Variants in ATP7A observed in about 807,000 individuals in gnomAD.
ATP7A encodes the protein ATPase copper transporting alpha, also known as copper-transporting ATPase 1.
A neutral mutation model predicts 83.5 loss-of-function variants in ATP7A; 7 were observed. The ratio of observed to expected loss-of-function variants is 0.08; its 90% confidence interval spans 0.05 to 0.16. ATP7A has a LOEUF of 0.16. Ranked by LOEUF, ATP7A falls within the 10% of genes least tolerant of loss-of-function variation. The probability of loss-of-function intolerance (pLI) is 1.00; values close to 1 mark genes in which losing one functional copy is unlikely to be tolerated. For synonymous variants in ATP7A, 354 were observed against 395.2 expected (o/e 0.90, Z 1.24); for missense variants, 940 against 1,120.8 (o/e 0.84, Z 2.30).
In ATP7A at chrX:77,988,324, A is replaced by G; in HGVS notation, c.203A>G (p.Asp68Gly). The change falls in exon 3 of 23, where the codon GAC becomes GGC. Residue 68 changes from aspartate (D) to glycine (G), a missense_variant. By Grantham distance (94) the Asp-to-Gly change is moderately conservative. This residue lies in a region of ATP7A where 350 missense variants were observed against 432.8 expected (regional missense o/e 0.81). Transcript: ENST00000341514. ...TPKTLQEAID[D>G]MGFDAVIHNP... is the part of the protein sequence containing the mutation. Reference sequence around the variant, plus strand: ...AAGACCCTACAGGAAGCTATTGATGACATGGGCTTTGATGCTGTTATCCAT... The same window carrying G: ...AAGACCCTACAGGAAGCTATTGATGGCATGGGCTTTGATGCTGTTATCCAT... 1 of 1,205,801 alleles carries G rather than the reference A, an allele frequency of 8.3e-7. No individual in the cohort carries two copies. Among genetic ancestry groups the G allele is most frequent in the South Asian group, 1.8e-5 (1 of 56,049 alleles).
chrX:77,946,066 T>A (rs2077377467), intron 1 of ATP7A, among the ~76,000 whole-genome samples: 1 of 111,193 alleles, frequency 9.0e-6, no homozygotes, highest in African/African-American at 3.3e-5. Flanking sequence ...TTGGGAGACC[T>A]AAGTGTGAGG....
chrX:77,971,559 G>T, intron 1 of ATP7A, 62 bp from the exon 2 acceptor site: 1 of 1,092,835 alleles, frequency 9.2e-7, no homozygotes. Flanking sequence ...GGGGAGGTGG[G>T]GGAAAAGTTG....
At position 78,038,877 on chromosome X, in the gene ATP7A, C is replaced by T. The variant is rs781907456; in HGVS notation, c.3553C>T (p.Arg1185Trp). ...GCAGTATAAAGTCCTCATTGGTAAC[C>T]GGGAGTGGATGATTAGAAATGGTCT... Reference protein sequence around the residue: ...AQQYKVLIGNREWMIRNGLVI... With the variant: ...AQQYKVLIGNWEWMIRNGLVI... Residue 1185 changes from arginine to tryptophan, a missense_variant, in exon 18 of 23, where the codon CGG (arginine) becomes TGG (tryptophan). Coordinates refer to ENST00000341514, the MANE Select transcript of ATP7A (RefSeq NM_000052.7). 8.3e-6 allele frequency: 10 copies of T among 1,207,954 alleles called. No individual in the cohort carries two copies. Among genetic ancestry groups the T allele is most frequent in the Non-Finnish European group, 1.0e-5 (9 of 893,600 alleles).
At chrX:78,018,458 T>C (rs782065574) in intron 12 of ATP7A, among the ~76,000 whole-genome samples, 88 of 111,216 alleles carry the variant, frequency 7.9e-4, no homozygotes, top group African/African-American at 2.8e-3. Flanking sequence ...GAGCCGAGAT[T>C]GCACCATTGC....
intron 4 of ATP7A, among the ~76,000 whole-genome samples, chrX:77,995,555 G>A (rs782720682): frequency 3.8e-4 from 28 of 73,907 alleles, no homozygotes; most frequent in African/African-American, 1.4e-3. Context: ...TGACAAGAGC[G>A]AGACTCCATC....
intron 21 of ATP7A, among the ~76,000 whole-genome samples, chrX:78,045,043 G>C (rs2078075107): frequency 1.8e-5 from 2 of 112,316 alleles, no homozygotes; most frequent in South Asian, 7.4e-4. Flanking sequence ...TTAAAAGTAT[G>C]AGTCTATTTC....
intron 6 of ATP7A, among the ~76,000 whole-genome samples, chrX:78,008,576 T>C (rs1311104252): frequency 9.0e-6 from 1 of 111,276 alleles, no homozygotes; most frequent in Non-Finnish European, 1.9e-5. Context: ...CAATAATAAA[T>C]GTCAAATCCT....
intron 1 of ATP7A, among the ~76,000 whole-genome samples, chrX:77,949,281 C>G (rs959931557): frequency 8.9e-6 from 1 of 111,879 alleles, no homozygotes; most frequent in African/African-American, 3.2e-5. Flanking sequence ...ATAAACCACA[C>G]CCATAATGCT....
intron 14 of ATP7A, among the ~76,000 whole-genome samples, chrX:78,027,993 GTATT>G (rs201122491): frequency 0.13 from 13,723 of 104,460 alleles, 987 homozygotes; most frequent in East Asian, 0.27. Flanking sequence ...AGTTTTTTTG[GTATT>G]TATTTATTTA....
intron 18 of ATP7A, among the ~76,000 whole-genome samples, chrX:78,040,133 A>T (rs1165601273): frequency 9.0e-6 from 1 of 110,920 alleles, no homozygotes; most frequent in Non-Finnish European, 1.9e-5. Flanking sequence ...TTTTGTAAAT[A>T]GAATAAAATA....
At chrX:77,964,241 A>G (rs1188791092) in intron 1 of ATP7A, 3 of 112,119 alleles carry the variant, frequency 2.7e-5, no homozygotes, top group Non-Finnish European at 5.6e-5. Flanking sequence ...TGTGTGAATG[A>G]TTAAGCCAAC....
intron 4 of ATP7A, among the ~76,000 whole-genome samples, chrX:77,992,143 C>T (rs920732751): frequency 9.2e-6 from 1 of 108,506 alleles, no homozygotes; most frequent in Non-Finnish European, 1.9e-5. Context: ...CAGCTCACTG[C>T]AACCTTGGCC....
Position 78,023,619 on chromosome X carries a change from A to G in ATP7A, c.2916+2540A>G, listed in dbSNP as rs985192917. Among the ~76,000 whole-genome samples the G allele has an allele frequency of 3.6e-5, 4 of 110,613 alleles. No homozygotes were observed. In the Admixed American group the frequency reaches 3.9e-4, roughly 11 times the overall value. ...GTATGTCTTCTTTTGAGAGGTGTCT[A>G]TTTATGCCCTTTGCCCACTTTTAAA... On this transcript the variant is annotated intron_variant, in intron 14 of 22. Coordinates refer to ENST00000341514, the MANE Select transcript of ATP7A (RefSeq NM_000052.7).
chrX:77,963,522 T>C, intron 1 of ATP7A: 1 of 112,649 alleles, frequency 8.9e-6, no homozygotes, highest in Non-Finnish European at 1.9e-5. Context: ...GAAAATGTTA[T>C]CTTTTTCACA....
At chrX:78,040,536 T>A in intron 18 of ATP7A, 55 bp from the exon 19 acceptor site, 1 of 1,174,882 alleles carries the variant, frequency 8.5e-7, no homozygotes, top group Non-Finnish European at 1.2e-6. Flanking sequence ...GTCAAAATGT[T>A]ATTCTCCTTT....
At chrX:78,029,614 G>T (rs782489318) in intron 15 of ATP7A, among the ~76,000 whole-genome samples, 170 bp downstream of exon 15, 148 of 112,075 alleles carry the variant, frequency 1.3e-3, no homozygotes, top group Non-Finnish European at 2.3e-3. Flanking sequence ...TTCTGCTTCA[G>T]ATTGGCCTTT....
At position 78,048,463 on chromosome X, in the gene ATP7A, G is replaced by T. The variant is rs1452290653; in HGVS notation, c.*1893G>T. 8.9e-6 allele frequency: 1 copy of T among 111,957 alleles called. No individual in the cohort carries two copies. The highest frequency in any genetic ancestry group is 3.3e-5 in the African/African-American group (1 of 30,738). The allele number at this position is 111,957 out of a possible 1,213,427, so 9.2% of individuals were successfully genotyped here. The stretch of plus-strand genomic sequence containing the variant: ...TTCTAGAGCAGAGTCTTAAAATCAG[G>T]TGGGGGTAGGGGATGGAGTTCTTCC... On this transcript the variant is annotated 3_prime_UTR_variant, in exon 23 of 23. Coordinates refer to ENST00000341514, the MANE Select transcript of ATP7A (RefSeq NM_000052.7).
At chrX:78,011,035 C>T in intron 7 of ATP7A, 141 bp from the exon 8 acceptor site, 2 of 501,912 alleles carry the variant, frequency 4.0e-6, no homozygotes, top group Non-Finnish European at 7.0e-6. Flanking sequence ...GAGCAGGAAG[C>T]ACATCTTCAT....
intron 2 of ATP7A, among the ~76,000 whole-genome samples, chrX:77,973,027 C>T (rs1393551792): frequency 2.7e-5 from 3 of 109,690 alleles, no homozygotes; most frequent in African/African-American, 1.0e-4. Context: ...TCATAAGAAA[C>T]TTCATGCATA....
Sources: gnomAD v4.1 joint callset for allele counts (sites outside exome capture counted in the v4.1 genomes callset) on GRCh38, gnomAD v4.1.1 for gene constraint, gnomAD v4.1.1 regional missense constraint, MANE v1.5 for transcripts, NCBI Gene and HGNC (gene_info 2026-07-23, HGNC 2026-07-21) for gene names.